Variants in DENND4C observed in about 807,000 individuals in gnomAD.
DENND4C encodes DENN domain-containing protein 4C.
Under a neutral mutation model 203.0 loss-of-function variants are expected in DENND4C, and 108 were observed. The observed-to-expected ratio is 0.53, with a 90% CI of 0.46 to 0.62. The LOEUF (loss-of-function observed/expected upper bound fraction) is 0.62, where lower values mean the gene tolerates loss of function less well. DENND4C is among the 20% of genes least tolerant of loss of function. The pLI is 0.00. For missense variants in DENND4C, 2,481 were observed against 2,301.2 expected, an observed-to-expected ratio of 1.08 and a Z score of -1.60; for synonymous variants, 871 against 792.4, an observed-to-expected ratio of 1.10 and a Z score of -1.67.
rs1386518862 is a variant in DENND4C at position 19,372,701 on chromosome 9, C to G, written c.*528C>G. On this transcript the variant is annotated 3_prime_UTR_variant, in exon 33 of 33. Transcript: ENST00000434457. ...CCAGCCTGGCCAACACGGTGAGACCCTGTCTTTACTAAAAATACAAAAATT... is the reference window on the plus strand; with the variant it reads ...CCAGCCTGGCCAACACGGTGAGACCGTGTCTTTACTAAAAATACAAAAATT... The G allele has an allele frequency of 6.6e-6, 1 of 152,230 alleles. No individual in the cohort carries two copies. The highest frequency in any genetic ancestry group is 1.5e-5 in the Non-Finnish European group (1 of 68,238). The allele number at this position is 152,230 out of a possible 1,614,324, so 9.4% of individuals were successfully genotyped here.
intron 1 of DENND4C, among the ~76,000 whole-genome samples, chr9:19,235,832 T>C (rs1323739842): frequency 1.3e-5 from 2 of 152,016 alleles, no homozygotes; most frequent in Admixed American, 1.3e-4. Context: ...TCTTTTGACC[T>C]TGTGATCCGC....
chr9:19,371,817 A>G lies in DENND4C; in HGVS notation c.5737A>G (p.Ile1913Val). ...GTCTCTAGGAAGAGAGAATATTGATATTGGTAAGTTGGTTAATAAAAGATT... is the reference window on the plus strand; with the variant it reads ...GTCTCTAGGAAGAGAGAATATTGATGTTGGTAAGTTGGTTAATAAAAGATT... ...LVSLGRENID[I>V]EAFDNEYGIA... Residue 1913 changes from isoleucine to valine, a missense_variant, in exon 32 of 33, where the codon ATT becomes GTT. Physicochemically the swap from Ile to Val is conservative, Grantham distance 29 (BLOSUM62 3). Coordinates refer to ENST00000434457, the MANE Select transcript of DENND4C (RefSeq NM_001330640.2). The G allele has an allele frequency of 6.9e-7, 1 of 1,451,278 alleles. No homozygotes were observed. The highest frequency in any genetic ancestry group is 9.5e-7 in the Non-Finnish European group (1 of 1,047,316). The allele number at this position is 1,451,278 out of a possible 1,614,324, so 89.9% of individuals were successfully genotyped here. A position where few individuals can be genotyped will look rare whatever the true frequency, so the allele number is the denominator to read the frequency against.
intron 20 of DENND4C, chr9:19,337,486 G>A: frequency 9.8e-6 from 4 of 410,152 alleles, no homozygotes; most frequent in Non-Finnish European, 1.5e-5. Flanking sequence ...TTCATCTGAT[G>A]AACTTGTCTC....
At chr9:19,324,927 A>C (rs1316660171) in intron 13 of DENND4C, among the ~76,000 whole-genome samples, 1 of 152,104 alleles carries the variant, frequency 6.6e-6, no homozygotes. Flanking sequence ...TGTATTGCCC[A>C]GGCTGGTCTC....
intron 20 of DENND4C, 73 bp downstream of exon 20, chr9:19,336,905 T>C: frequency 7.0e-7 from 1 of 1,428,074 alleles, no homozygotes; most frequent in Admixed American, 2.2e-5. Flanking sequence ...AAAAGCTTCT[T>C]CCATTCTTGA....
chr9:19,282,715 C>T (rs371264819), intron 2 of DENND4C, among the ~76,000 whole-genome samples: 6 of 86,658 alleles, frequency 6.9e-5, no homozygotes, highest in South Asian at 1.0e-3. Flanking sequence ...TTTCTTCTCT[C>T]TTTTTTTTTT....
chr9:19,233,550 G>T (rs1282158625), intron 1 of DENND4C, among the ~76,000 whole-genome samples: 1 of 142,960 alleles, frequency 7.0e-6, no homozygotes, highest in Non-Finnish European at 1.5e-5. Context: ...GCTTAACATG[G>T]TATTTGAAAC....
intron 1 of DENND4C, among the ~76,000 whole-genome samples, chr9:19,271,986 A>G (rs1324345684): frequency 6.6e-6 from 1 of 152,236 alleles, no homozygotes. Context: ...TAGTACTGGC[A>G]TATAGACACA....
At chr9:19,270,926 A>G (rs1230307729) in intron 1 of DENND4C, among the ~76,000 whole-genome samples, 5 of 152,234 alleles carry the variant, frequency 3.3e-5, no homozygotes, top group African/African-American at 2.4e-5. Context: ...TTGTATTTCT[A>G]TATAGTAGCA....
At chr9:19,250,232 C>T (rs151269291) in intron 1 of DENND4C, among the ~76,000 whole-genome samples, 8,146 of 152,140 alleles carry the variant, frequency 0.054, 350 homozygotes, top group South Asian at 0.14. Flanking sequence ...CACCTGAGGT[C>T]AGGAGTTCAG....
chr9:19,243,468 G>A (rs978164891), intron 1 of DENND4C, among the ~76,000 whole-genome samples: 1 of 152,112 alleles, frequency 6.6e-6, no homozygotes, highest in Non-Finnish European at 1.5e-5. Flanking sequence ...GTTCCCAAAC[G>A]TTTTCATCAT....
In DENND4C at chr9:19,316,467, G is replaced by T; in HGVS notation, c.1538G>T (p.Cys513Phe). 3.1e-6 allele frequency: 5 copies of T among 1,613,834 alleles called. No individual in the cohort carries two copies. The highest frequency in any genetic ancestry group is 1.7e-4 in the Middle Eastern group (1 of 6,058). The change falls in exon 11 of 33, where the codon TGC becomes TTC. Residue 513 changes from cysteine to phenylalanine, a missense_variant. Transcript: ENST00000434457. ...TGGAAGCAACTTCCCAAAAAGCCGT[G>T]CAAAAATCTACTTAGCACCTTAAAG... Reference protein sequence around the residue: ...MNWKQLPKKPCKNLLSTLKKL... With the variant: ...MNWKQLPKKPFKNLLSTLKKL...
intron 1 of DENND4C, among the ~76,000 whole-genome samples, chr9:19,249,116 A>G (rs1397001776): frequency 1.3e-5 from 2 of 151,898 alleles, no homozygotes; most frequent in Non-Finnish European, 2.9e-5. Context: ...TTTTGAAAAT[A>G]TAAGTTTACT....
intron 3 of DENND4C, among the ~76,000 whole-genome samples, chr9:19,287,878 G>A (rs940117931): frequency 3.3e-5 from 5 of 152,138 alleles, no homozygotes; most frequent in South Asian, 2.1e-4. Context: ...GGCTACGGGC[G>A]TGCGCCACTA....
At chr9:19,336,602 A>T in intron 19 of DENND4C, 84 bp from the exon 20 acceptor site, 1 of 1,459,688 alleles carries the variant, frequency 6.9e-7, no homozygotes, top group Non-Finnish European at 9.1e-7. Context: ...TTCTGCAACT[A>T]TAAATGAACT....
intron 1 of DENND4C, among the ~76,000 whole-genome samples, chr9:19,248,546 C>T (rs760277512): frequency 2.6e-5 from 4 of 151,972 alleles, no homozygotes; most frequent in African/African-American, 7.2e-5. Context: ...TGCGCCGCCT[C>T]GCCTGGCTAA....
intron 1 of DENND4C, among the ~76,000 whole-genome samples, chr9:19,266,276 A>T (rs561479677): frequency 6.6e-6 from 1 of 152,278 alleles, no homozygotes; most frequent in African/African-American, 2.4e-5. Context: ...GTATTTGTTC[A>T]TATCCTTCAC....
At chr9:19,300,547 C>G (rs1007984483) in intron 9 of DENND4C, among the ~76,000 whole-genome samples, 1 of 152,076 alleles carries the variant, frequency 6.6e-6, no homozygotes, top group Non-Finnish European at 1.5e-5. Context: ...TTAGGAAAAA[C>G]GTCAATTTCC....
At chr9:19,321,994 A>C (rs1353466411) in intron 12 of DENND4C, among the ~76,000 whole-genome samples, 2 of 152,182 alleles carry the variant, frequency 1.3e-5, no homozygotes, top group East Asian at 3.8e-4. Context: ...ATAGCTGTTA[A>C]AGAGTCATAA....
Sources: allele counts gnomAD v4.1 joint callset (sites outside exome capture counted in the v4.1 genomes callset), GRCh38; gene constraint gnomAD v4.1.1; transcripts MANE v1.5; gene names NCBI Gene and HGNC (gene_info 2026-07-23, HGNC 2026-07-21).